TMEM163: variants seen among roughly 807,000 people sequenced by gnomAD.
TMEM163 encodes the protein transmembrane protein 163.
TMEM163 carries 17 observed loss-of-function variants against 29.3 expected under a neutral mutation model. That is an observed-to-expected ratio of 0.58 (90% confidence interval 0.40 to 0.87). TMEM163 has a LOEUF of 0.87. TMEM163 is among the 40% of genes least tolerant of loss of function. The pLI is 0.00. For missense variants in TMEM163, 303 were observed against 381.5 expected (o/e 0.79, Z 1.71); for synonymous variants, 157 against 160.6 (o/e 0.98, Z 0.17).
intron 2 of TMEM163, among the ~76,000 whole-genome samples, chr2:134,625,769 T>C (rs1383251475): frequency 2.0e-5 from 3 of 152,228 alleles, no homozygotes; most frequent in Non-Finnish European, 4.4e-5. Flanking sequence ...CCTAAGCGTT[T>C]ACAATCTGGC....
chr2:134,518,778 A>G (rs1351891009), intron 4 of TMEM163, among the ~76,000 whole-genome samples: 1 of 151,966 alleles, frequency 6.6e-6, no homozygotes, highest in African/African-American at 2.4e-5. Flanking sequence ...CTCGCCCCCT[A>G]CTTCACTCCC....
chr2:134,670,261 T>G (rs932627738), intron 2 of TMEM163, among the ~76,000 whole-genome samples: 1 of 151,622 alleles, frequency 6.6e-6, no homozygotes, highest in Non-Finnish European at 1.5e-5. Flanking sequence ...AAAAAAAAAG[T>G]AAGAGTTTAA....
At chr2:134,550,130 G>C (rs1480109384) in intron 4 of TMEM163, among the ~76,000 whole-genome samples, 1 of 152,128 alleles carries the variant, frequency 6.6e-6, no homozygotes, top group Non-Finnish European at 1.5e-5. Flanking sequence ...TATGAAGACC[G>C]GGGCAAGCAA....
chr2:134,481,380 G>A (rs549892165), intron 5 of TMEM163, among the ~76,000 whole-genome samples: 13 of 146,938 alleles, frequency 8.8e-5, no homozygotes, highest in Non-Finnish European at 1.1e-4. Flanking sequence ...TGAATCATGG[G>A]GGGGGGGGGA....
intron 2 of TMEM163, among the ~76,000 whole-genome samples, chr2:134,562,313 G>A (rs1351924624): frequency 6.6e-6 from 1 of 152,244 alleles, no homozygotes; most frequent in Non-Finnish European, 1.5e-5. Flanking sequence ...TCAAGCACAA[G>A]TGCATTGTCA....
rs139087802 is a variant in TMEM163, at chr2:134,577,189, C to G, written c.323-25098G>C. On this transcript the variant is annotated intron_variant, in intron 2 of 7. Transcript: ENST00000281924. Reference sequence around the variant, plus strand: ...AGACATTTAATGTCATATACACACACGTAGACATGCACACGCATAAAGATA... The same window carrying G: ...AGACATTTAATGTCATATACACACAGGTAGACATGCACACGCATAAAGATA... 2.4e-4 allele frequency among the ~76,000 whole-genome samples: 36 copies of G among 152,314 alleles called. 1 individual carries two copies. The South Asian group carries it at 3.9e-3, about 17-fold the overall frequency.
intron 1 of TMEM163, among the ~76,000 whole-genome samples, chr2:134,714,292 G>C (rs1334997595): frequency 1.3e-5 from 2 of 152,162 alleles, no homozygotes; most frequent in African/African-American, 4.8e-5. Context: ...ACCATCTCTG[G>C]TGAAACAACC....
In TMEM163 at chr2:134,700,909, CATAAATAA is replaced by C. The variant is rs746341374; in HGVS notation, c.322+12283_322+12290del. Among the ~76,000 whole-genome samples, 435 of 58,712 alleles carry C rather than the reference CATAAATAA, an allele frequency of 7.4e-3. 3 individuals are homozygous for C. In the East Asian group the frequency reaches 0.084, roughly 11 times the overall value. The allele number at this position is 58,712 out of a possible 152,430, so 38.5% of individuals were successfully genotyped here. The stretch of plus-strand genomic sequence containing the variant: ...AGAACAAAACTCTGTCTCGAAAATA[CATAAATAA>C]ATAAATAAATAAATAAATAAATAAA... On this transcript the variant is annotated intron_variant, in intron 2 of 7. Transcript: ENST00000281924.
chr2:134,604,342 T>C (rs936815477), intron 2 of TMEM163, among the ~76,000 whole-genome samples: 3 of 151,996 alleles, frequency 2.0e-5, no homozygotes, highest in African/African-American at 7.3e-5. Context: ...AGACAATGGT[T>C]AGGTTTACAT....
chr2:134,685,392 A>T (rs568707008), intron 2 of TMEM163, among the ~76,000 whole-genome samples: 1 of 152,298 alleles, frequency 6.6e-6, no homozygotes, highest in South Asian at 2.1e-4. Context: ...ACAAACCAAT[A>T]ATTGGATCTG....
chr2:134,714,114 C>T (rs1399247937), intron 1 of TMEM163, among the ~76,000 whole-genome samples: 1 of 152,138 alleles, frequency 6.6e-6, no homozygotes, highest in Non-Finnish European at 1.5e-5. Flanking sequence ...CATAACAACT[C>T]CCAGGCAATG....
intron 2 of TMEM163, among the ~76,000 whole-genome samples, chr2:134,646,693 C>T (rs565253296): frequency 6.6e-6 from 1 of 152,220 alleles, no homozygotes; most frequent in African/African-American, 2.4e-5. Flanking sequence ...GATCCACCTG[C>T]CTCAGCCTCC....
intron 2 of TMEM163, among the ~76,000 whole-genome samples, chr2:134,640,446 T>G (rs1369329934): frequency 6.6e-6 from 1 of 152,066 alleles, no homozygotes; most frequent in East Asian, 1.9e-4. Context: ...CACTCCAATT[T>G]CATGAAAAGC....
intron 4 of TMEM163, among the ~76,000 whole-genome samples, chr2:134,549,827 C>T (rs963337282): frequency 3.3e-5 from 5 of 151,226 alleles, no homozygotes; most frequent in Admixed American, 1.3e-4. Flanking sequence ...CACATATTAG[C>T]GTATAGGTAT....
At chr2:134,507,139 C>T (rs184144673) in intron 4 of TMEM163, among the ~76,000 whole-genome samples, 22 of 152,172 alleles carry the variant, frequency 1.4e-4, no homozygotes, top group African/African-American at 4.8e-4. Context: ...GAGGTCAAGA[C>T]CAGCCTGCCC....
chr2:134,503,030 G>A (rs1246068519), intron 4 of TMEM163, 33 bp from the exon 5 acceptor site: 2 of 1,572,584 alleles, frequency 1.3e-6, no homozygotes, highest in African/African-American at 2.7e-5. Flanking sequence ...AATCTTAACT[G>A]GGAGAACTCA....
chr2:134,663,076 T>G (rs1374654062), intron 2 of TMEM163, among the ~76,000 whole-genome samples: 2 of 152,156 alleles, frequency 1.3e-5, no homozygotes, highest in Non-Finnish European at 2.9e-5. Context: ...TGATCAACCC[T>G]CTATCATAGG....
At chr2:134,630,686 C>T (rs144521053) in intron 2 of TMEM163, among the ~76,000 whole-genome samples, 2 of 152,178 alleles carry the variant, frequency 1.3e-5, no homozygotes, top group African/African-American at 2.4e-5. Context: ...CAGGTCCTCT[C>T]CCCTGGGCCC....
chr2:134,508,201 T>C (rs1286168834), intron 4 of TMEM163, among the ~76,000 whole-genome samples: 1 of 152,194 alleles, frequency 6.6e-6, no homozygotes, highest in Non-Finnish European at 1.5e-5. Context: ...GGTTACTTCC[T>C]ATCAGATCAA....
Sources: allele counts gnomAD v4.1 joint callset (sites outside exome capture counted in the v4.1 genomes callset), GRCh38; gene constraint gnomAD v4.1.1; transcripts MANE v1.5; gene names NCBI Gene and HGNC (gene_info 2026-07-23, HGNC 2026-07-21).